NTRK1: variants seen among roughly 807,000 people sequenced by gnomAD.
NTRK1 encodes high affinity nerve growth factor receptor.
NTRK1 carries 62 observed loss-of-function variants against 86.8 expected under a neutral mutation model. The ratio of observed to expected loss-of-function variants is 0.71; its 90% CI spans 0.58 to 0.88. The LOEUF (loss-of-function observed/expected upper bound fraction) is 0.88, where lower values mean the gene tolerates loss of function less well. Ranked by LOEUF, NTRK1 falls within the 40% of genes least tolerant of loss-of-function variation. The pLI, the probability that NTRK1 is intolerant of heterozygous loss-of-function variation, is 0.00. For missense variants in NTRK1, 967 were observed against 1,078.4 expected, an observed-to-expected ratio of 0.90 and a Z score of 1.45; for synonymous variants, 469 against 456.6, an observed-to-expected ratio of 1.03 and a Z score of -0.35.
At chr1:156,877,180 C>T (rs1200272044) in intron 14 of NTRK1, among the ~76,000 whole-genome samples, 1 of 152,232 alleles carries the variant, frequency 6.6e-6, no homozygotes, top group Non-Finnish European at 1.5e-5. Context: ...ACCATTGCAC[C>T]TGGCTCTACA....
At chr1:156,864,696 C>T in intron 2 of NTRK1, 32 bp from the exon 3 acceptor site, 1 of 1,612,200 alleles carries the variant, frequency 6.2e-7, no homozygotes, top group East Asian at 2.2e-5. Flanking sequence ...TAGCTGAGAC[C>T]TGGGGACTGA....
intron 14 of NTRK1, among the ~76,000 whole-genome samples, chr1:156,878,181 G>A (rs1648035950): frequency 6.6e-6 from 1 of 152,150 alleles, no homozygotes; most frequent in African/African-American, 2.4e-5. Context: ...TCCCCTCCAG[G>A]CCTTTGTACT....
rs1005245197 is a variant in NTRK1, at chr1:156,861,024, T to G, written c.90T>G (p.Ser30=). ...TGCTGGCTTGGCTGATACTGGCATC[T>G]GCGGGCGCCGCACCCTGCCCCGATG... The part of the protein sequence containing the change: ...GSLLAWLILA[S]AGAAPCPDAC... The change falls in exon 1 of 17, where the codon TCT becomes TCG. Residue 30 remains serine (S), a synonymous_variant. Coordinates refer to ENST00000524377, the MANE Select transcript of NTRK1 (RefSeq NM_002529.4). The G allele has an allele frequency of 3.0e-5, 46 of 1,542,286 alleles. No individual in the cohort carries two copies. Among genetic ancestry groups the G allele is most frequent in the Non-Finnish European group, 3.7e-5 (43 of 1,149,554 alleles).
chr1:156,875,283 G>A (rs1276295531), intron 11 of NTRK1, among the ~76,000 whole-genome samples: 4 of 151,994 alleles, frequency 2.6e-5, no homozygotes, highest in Non-Finnish European at 5.9e-5. Context: ...TGGGAGGTCT[G>A]GGCTCTGTGG....
chr1:156,868,668 A>C (rs1647332687), intron 6 of NTRK1, 21 bp downstream of exon 6: 2 of 1,549,608 alleles, frequency 1.3e-6, no homozygotes, highest in Non-Finnish European at 1.7e-6. Context: ...CTTCGCTGGC[A>C]GCCCCCAAGA....
At chr1:156,863,979 C>T (rs983600047) in intron 1 of NTRK1, among the ~76,000 whole-genome samples, 1 of 152,108 alleles carries the variant, frequency 6.6e-6, no homozygotes. Context: ...CGTGTTCCTG[C>T]AGGCACATGT....
intron 1 of NTRK1, among the ~76,000 whole-genome samples, chr1:156,839,122 C>T (rs1214562781): frequency 6.6e-6 from 1 of 152,260 alleles, no homozygotes; most frequent in East Asian, 1.9e-4. Context: ...AGGGGTGGGG[C>T]TCCACACAGG....
chr1:156,864,848 C>A, intron 3 of NTRK1, 49 bp downstream of exon 3: 1 of 1,565,782 alleles, frequency 6.4e-7, no homozygotes, highest in Non-Finnish European at 8.7e-7. Flanking sequence ...GACACCCAGA[C>A]TTGGGCTGCT....
chr1:156,841,989 T>TG (rs35265289), intron 1 of NTRK1: 5 of 1,557,082 alleles, frequency 3.2e-6, no homozygotes, highest in African/African-American at 1.4e-5. Context: ...AGATACAGGG[T>TG]GGGGGTGACT....
At chr1:156,871,577 G>C (rs754637871) in intron 6 of NTRK1, 46 bp from the exon 7 acceptor site, 1 of 1,610,206 alleles carries the variant, frequency 6.2e-7, no homozygotes, top group East Asian at 2.2e-5. Context: ...CCAGCCCCAA[G>C]CTGGCTAAAG....
At chr1:156,864,315 G>A (rs764428328) in intron 1 of NTRK1, 39 bp from the exon 2 acceptor site, 3 of 1,606,622 alleles carry the variant, frequency 1.9e-6, no homozygotes, top group East Asian at 2.2e-5. Context: ...ACTCAAGTGT[G>A]GGCCTGAGCC....
At chr1:156,823,113 C>G (rs1654232265) in intron 1 of NTRK1, among the ~76,000 whole-genome samples, 1 of 152,192 alleles carries the variant, frequency 6.6e-6, no homozygotes, top group Non-Finnish European at 1.5e-5. Flanking sequence ...GGACCTCTAG[C>G]CTGGAGGATC....
At chr1:156,849,334 G>A in intron 2 of NTRK1, 2 of 1,614,022 alleles carry the variant, frequency 1.2e-6, no homozygotes, top group Non-Finnish European at 1.7e-6. Flanking sequence ...GTCGGTAGAT[G>A]TGTTCCAAGC....
rs1197226319 is a variant in NTRK1, at chr1:156,874,370, C to T, written c.1178-13C>T. ...CTCCCTCTGACTGCTTTCTCTCCTCCCTCCTGCTGCAGTCTCCTTCTCGCC... is the reference window on the plus strand; with the variant it reads ...CTCCCTCTGACTGCTTTCTCTCCTCTCTCCTGCTGCAGTCTCCTTCTCGCC... On this transcript the variant is annotated splice_polypyrimidine_tract_variant and intron_variant, in intron 8 of 16. Transcript: ENST00000524377. 1.2e-6 allele frequency: 2 copies of T among 1,614,048 alleles called. No homozygotes were observed. The highest frequency in any genetic ancestry group is 1.6e-4 in the Middle Eastern group (1 of 6,082).
intron 10 of NTRK1, 99 bp from the exon 11 acceptor site, chr1:156,874,807 G>A (rs2102911356): frequency 1.7e-6 from 2 of 1,172,732 alleles, no homozygotes; most frequent in Non-Finnish European, 1.3e-6. Context: ...TGGAGACCTG[G>A]CTCCGGGCTC....
At chr1:156,845,734 AGTCGGACTCCATCTCGGCCTCAGGATCCC>A in intron 2 of NTRK1, 2 of 1,613,720 alleles carry the variant, frequency 1.2e-6, no homozygotes, top group Non-Finnish European at 1.7e-6. Context: ...CAAGGGCAGC[AGTCGGACTCCATCTCGGCCTCAGGATCCC>A]CGTCTTCGCC....
chr1:156,834,514 G>A (rs997809681), intron 1 of NTRK1, among the ~76,000 whole-genome samples: 1 of 152,180 alleles, frequency 6.6e-6, no homozygotes. Context: ...AGGCAGAGTG[G>A]GGTGGTGGAT....
At chr1:156,860,791 G>A (rs994673058), upstream of NTRK1, 8 of 1,329,040 alleles carry the variant, frequency 6.0e-6, no homozygotes, top group Middle Eastern at 2.8e-4. Context: ...GGCAAGGCGG[G>A]GCCGGGCGGG....
In NTRK1 at chr1:156,854,289, C is replaced by G; in HGVS notation, c.51-10065C>G. The stretch of plus-strand genomic sequence containing the variant: ...AGCTCTGCCACCTCTGAGCGAATAT[C>G]CAGGCTGGGGCACACTGTGGGCATA... On this transcript the variant is annotated intron_variant, in intron 2 of 16. Transcript: ENST00000392302. The surrounding 1 kb of genome is among the most constrained non-coding windows in gnomAD (Gnocchi z 4.2). 2 of 1,611,314 alleles carry G rather than the reference C, an allele frequency of 1.2e-6. No individual in the cohort carries two copies. Among genetic ancestry groups the G allele is most frequent in the Non-Finnish European group, 1.7e-6 (2 of 1,179,016 alleles).
Sources: gnomAD v4.1 joint callset for allele counts (sites outside exome capture counted in the v4.1 genomes callset) on GRCh38, gnomAD v4.1.1 for gene constraint, Gnocchi (gnomAD v3.1) non-coding constraint, MANE v1.5 for transcripts, NCBI Gene and HGNC (gene_info 2026-07-23, HGNC 2026-07-21) for gene names.